Variants in VPS8 observed in about 807,000 individuals in gnomAD.
VPS8 encodes the protein VPS8 subunit of CORVET complex, also known as vacuolar protein sorting-associated protein 8 homolog.
A neutral mutation model predicts 216.4 loss-of-function variants in VPS8; 129 were observed. That is an observed-to-expected ratio of 0.60 (90% CI 0.52 to 0.69). The LOEUF is 0.69. VPS8 is among the 30% of genes least tolerant of loss of function. The pLI, the probability that VPS8 is intolerant of heterozygous loss-of-function variation, is 0.00. For synonymous variants in VPS8, 571 were observed against 565.4 expected (o/e 1.01, Z -0.14); for missense variants, 1,531 against 1,683.5 (o/e 0.91, Z 1.59).
intron 6 of VPS8, 61 bp from the exon 7 acceptor site, chr3:184,839,637 C>CT: frequency 6.6e-7 from 1 of 1,508,276 alleles, no homozygotes; most frequent in Non-Finnish European, 9.0e-7. Context: ...AAATTCAACT[C>CT]TGATTATTTC....
intron 34 of VPS8, among the ~76,000 whole-genome samples, chr3:184,932,650 A>G (rs1410840950): frequency 2.6e-5 from 4 of 151,998 alleles, no homozygotes. Context: ...CTTTTTGTAT[A>G]CTGTTACTGC....
At chr3:184,841,397 CTGTAACATCATTTTTAA>C (rs1366923811) in intron 7 of VPS8, among the ~76,000 whole-genome samples, 6 of 152,002 alleles carry the variant, frequency 3.9e-5, no homozygotes, top group African/African-American at 1.4e-4. Flanking sequence ...TATATTTTGT[CTGTAACATCATTTTTAA>C]TGGCTATATA....
intron 38 of VPS8, 24 bp downstream of exon 38, chr3:184,964,581 C>A: frequency 1.4e-6 from 2 of 1,384,410 alleles, no homozygotes; most frequent in South Asian, 1.5e-5. Context: ...ATGTTTCTTT[C>A]ATCATATTTC....
At chr3:184,856,154 T>C (rs74925856) in intron 14 of VPS8, among the ~76,000 whole-genome samples, 1,854 of 152,318 alleles carry the variant, frequency 0.012, 39 homozygotes, top group African/African-American at 0.041. Flanking sequence ...TGAGCACCTA[T>C]TATGTCCTCT....
intron 40 of VPS8, among the ~76,000 whole-genome samples, chr3:184,974,378 T>C (rs1413728542): frequency 2.0e-5 from 3 of 152,164 alleles, no homozygotes; most frequent in Non-Finnish European, 4.4e-5. Context: ...TCTATTCATA[T>C]GCTTTGCCCA....
intron 2 of VPS8, among the ~76,000 whole-genome samples, chr3:184,825,739 A>G (rs993988726): frequency 1.3e-5 from 2 of 152,204 alleles, no homozygotes; most frequent in Admixed American, 6.5e-5. Context: ...CATCTCTACT[A>G]AAAATACAAA....
intron 5 of VPS8, among the ~76,000 whole-genome samples, chr3:184,836,001 G>A (rs868292489): frequency 2.0e-5 from 3 of 152,080 alleles, no homozygotes; most frequent in Non-Finnish European, 1.5e-5. Context: ...GAGCCACCTC[G>A]TCCAGCCAAG....
At position 184,896,211 on chromosome 3, in the gene VPS8, A is replaced by C. The variant is rs554351346; in HGVS notation, c.2004+1286A>C. ...ATATGGCTAATTTGGCATAGTCTTCATAGTCTTACAATAGGTCTGATGACT... is the reference window on the plus strand; with the variant it reads ...ATATGGCTAATTTGGCATAGTCTTCCTAGTCTTACAATAGGTCTGATGACT... On this transcript the variant is annotated intron_variant, in intron 23 of 47. Coordinates refer to ENST00000625842, the MANE Select transcript of VPS8 (RefSeq NM_001009921.3). Among the ~76,000 whole-genome samples, 3 of 151,458 alleles carry C rather than the reference A, an allele frequency of 2.0e-5. No homozygotes were observed. The East Asian group carries it at 5.8e-4, about 29-fold the overall frequency.
intron 37 of VPS8, among the ~76,000 whole-genome samples, chr3:184,964,145 A>C (rs1483323679): frequency 6.6e-6 from 1 of 152,070 alleles, no homozygotes; most frequent in African/African-American, 2.4e-5. Context: ...TTTAATAATT[A>C]TACTTGATCA....
chr3:184,930,576 T>C lies in VPS8; in HGVS notation c.2898+8T>C, dbSNP rs1370743330. On this transcript the variant is annotated splice_region_variant and intron_variant, in intron 34 of 47. Coordinates refer to ENST00000625842, the MANE Select transcript of VPS8 (RefSeq NM_001009921.3). The stretch of plus-strand genomic sequence containing the variant: ...GCAATGGATCATATTGAGGTACTGA[T>C]GCGCAAAACTTCACACTTCACCATC... 6.2e-7 allele frequency: 1 copy of C among 1,600,250 alleles called. No individual in the cohort carries two copies. The highest frequency in any genetic ancestry group is 8.6e-7 in the Non-Finnish European group (1 of 1,167,738).
intron 39 of VPS8, among the ~76,000 whole-genome samples, 159 bp downstream of exon 39, chr3:184,966,872 AAG>A (rs1166849683): frequency 6.6e-6 from 1 of 152,238 alleles, no homozygotes; most frequent in East Asian, 1.9e-4. Flanking sequence ...GCTAATTTTC[AAG>A]AGTTCACAAC....
chr3:184,926,238 G>A (rs1024396220), intron 30 of VPS8, among the ~76,000 whole-genome samples: 1 of 151,752 alleles, frequency 6.6e-6, no homozygotes, highest in East Asian at 2.0e-4. Context: ...TGAGCCGGGC[G>A]TGGTGGCGGG....
At chr3:184,928,959 G>C (rs572543912) in intron 32 of VPS8, among the ~76,000 whole-genome samples, 1 of 151,910 alleles carries the variant, frequency 6.6e-6, no homozygotes, top group South Asian at 2.1e-4. Context: ...CTGAACAGAG[G>C]AACTTTATGT....
At chr3:184,962,257 A>AT (rs1189479355) in intron 37 of VPS8, among the ~76,000 whole-genome samples, 6 of 152,204 alleles carry the variant, frequency 3.9e-5, no homozygotes, top group Admixed American at 2.0e-4. Flanking sequence ...TTGTGTGCCC[A>AT]TATGAGGGTT....
chr3:185,028,149 T>C (rs1284408418), intron 46 of VPS8, among the ~76,000 whole-genome samples: 1 of 152,170 alleles, frequency 6.6e-6, no homozygotes, highest in Non-Finnish European at 1.5e-5. Flanking sequence ...GAAATATAGA[T>C]TCTTAATTTG....
At chr3:185,027,901 C>T (rs191776218) in intron 46 of VPS8, among the ~76,000 whole-genome samples, 1 of 152,316 alleles carries the variant, frequency 6.6e-6, no homozygotes, top group Admixed American at 6.5e-5. Flanking sequence ...TTATGCAAAA[C>T]TTGGGACTAT....
rs569854671 is a variant in VPS8, at chr3:184,868,542, G to A, written c.1507-404G>A. Among the ~76,000 whole-genome samples the A allele has an allele frequency of 3.4e-3, 515 of 152,254 alleles. 3 individuals carry two copies. Among genetic ancestry groups the A allele is most frequent in the Non-Finnish European group, 4.9e-3 (330 of 68,020 alleles). On this transcript the variant is annotated intron_variant, in intron 18 of 47. Transcript: ENST00000625842. Reference sequence around the variant, plus strand: ...ATACCAGACAACACTTCCACTTATCGTTAGCCAGAGCTCAGTCACATTGTT... The same window carrying A: ...ATACCAGACAACACTTCCACTTATCATTAGCCAGAGCTCAGTCACATTGTT...
chr3:184,916,470 A>G (rs938136713), intron 28 of VPS8, among the ~76,000 whole-genome samples: 5 of 152,202 alleles, frequency 3.3e-5, no homozygotes, highest in African/African-American at 1.2e-4. Flanking sequence ...TGTGAGATGA[A>G]GCAAATTTCC....
rs558899617 is a variant in VPS8, at chr3:184,925,177, A to G, written c.2574+196A>G. Among the ~76,000 whole-genome samples the G allele has an allele frequency of 1.3e-4, 20 of 152,288 alleles. 1 individual carries two copies. The highest frequency in any genetic ancestry group is 3.4e-3 in the Middle Eastern group (1 of 294). ...GTATGTTTTGTGGAGATTGGTTTAC[A>G]GAGATTGTGTTCTCTCAATTATTCT... On this transcript the variant is annotated intron_variant, in intron 30 of 47. Coordinates refer to ENST00000625842, the MANE Select transcript of VPS8 (RefSeq NM_001009921.3).
Sources: allele counts gnomAD v4.1 joint callset (sites outside exome capture counted in the v4.1 genomes callset), GRCh38; gene constraint gnomAD v4.1.1; transcripts MANE v1.5; gene names NCBI Gene and HGNC (gene_info 2026-07-23, HGNC 2026-07-21).